Variants in WDFY2 observed in about 807,000 individuals in gnomAD.
The protein encoded by WDFY2 is WD repeat and FYVE domain containing 2.
WDFY2 carries 36 observed loss-of-function variants against 56.4 expected under a neutral mutation model. The ratio of observed to expected loss-of-function variants is 0.64; its 90% CI spans 0.49 to 0.84. WDFY2 has a LOEUF of 0.84. Among genes scored for constraint, WDFY2 ranks in the 40% least tolerant of loss-of-function variants. The pLI is 0.00. For synonymous variants in WDFY2, 176 were observed against 183.7 expected (o/e 0.96, Z 0.34); for missense variants, 444 against 512.2 (o/e 0.87, Z 1.29).
intron 1 of WDFY2, among the ~76,000 whole-genome samples, chr13:51,642,433 G>A (rs1392950022): frequency 2.0e-5 from 3 of 151,838 alleles, no homozygotes; most frequent in Non-Finnish European, 1.5e-5. Flanking sequence ...GACTACAGGT[G>A]TGCTCCACCA....
At chr13:51,691,253 A>G (rs1956149651) in intron 3 of WDFY2, among the ~76,000 whole-genome samples, 3 of 151,954 alleles carry the variant, frequency 2.0e-5, no homozygotes, top group Non-Finnish European at 2.9e-5. Flanking sequence ...TTGGTGTTTT[A>G]GACATGAAGT....
chr13:51,631,316 A>C (rs1954947858), intron 1 of WDFY2, among the ~76,000 whole-genome samples: 1 of 151,436 alleles, frequency 6.6e-6, no homozygotes, highest in Admixed American at 6.6e-5. Context: ...ACTTGAGATC[A>C]GGAATTTCAG....
intron 3 of WDFY2, among the ~76,000 whole-genome samples, chr13:51,685,891 T>A (rs941786329): frequency 1.3e-5 from 2 of 152,206 alleles, no homozygotes; most frequent in African/African-American, 4.8e-5. Context: ...CAAATTGGAA[T>A]GGCAATATTT....
intron 2 of WDFY2, among the ~76,000 whole-genome samples, chr13:51,662,074 G>A (rs1010882503): frequency 2.0e-5 from 3 of 151,968 alleles, no homozygotes; most frequent in Non-Finnish European, 4.4e-5. Context: ...GGGTTCAAGC[G>A]ATTCTCCTCC....
intron 1 of WDFY2, among the ~76,000 whole-genome samples, chr13:51,601,838 T>C (rs7318944): frequency 0.9 from 136,769 of 152,192 alleles, 62,605 homozygotes; most frequent in Non-Finnish European, 0.98. Context: ...TGCAGAGGCA[T>C]GAGTGTGGAG....
intron 6 of WDFY2, among the ~76,000 whole-genome samples, chr13:51,732,954 TG>T (rs1952755678): frequency 6.6e-6 from 1 of 152,224 alleles, no homozygotes; most frequent in East Asian, 1.9e-4. Context: ...AGCCCTGATG[TG>T]CACAGAGGCT....
At chr13:51,655,237 T>C (rs1593943140) in intron 1 of WDFY2, among the ~76,000 whole-genome samples, 1 of 152,212 alleles carries the variant, frequency 6.6e-6, no homozygotes, top group East Asian at 1.9e-4. Flanking sequence ...CTTCCAATAA[T>C]GTTGAATAGC....
chr13:51,742,705 A>G (rs1953002779), intron 7 of WDFY2, among the ~76,000 whole-genome samples: 1 of 152,110 alleles, frequency 6.6e-6, no homozygotes, highest in Non-Finnish European at 1.5e-5. Context: ...ATATAACCTG[A>G]CTTAAAGCAC....
rs182477952 is a variant in WDFY2 at position 51,759,812 on chromosome 13, C to T, written c.*43C>T. ...AGAAAGATAGTATTTACTAAAGAAA[C>T]GGTTGTTTTAACCCAAATCATTACC... On this transcript the variant is annotated 3_prime_UTR_variant, in exon 12 of 12. Transcript: ENST00000298125. 7.9e-4 allele frequency: 1,264 copies of T among 1,604,510 alleles called. 4 individuals carry two copies. The highest frequency in any genetic ancestry group is 2.3e-3 in the African/African-American group (173 of 74,694).
chr13:51,656,339 T>C (rs1352488299), intron 1 of WDFY2, among the ~76,000 whole-genome samples: 1 of 151,996 alleles, frequency 6.6e-6, no homozygotes, highest in Non-Finnish European at 1.5e-5. Context: ...CCTTATTCCT[T>C]TATACGTGGA....
intron 2 of WDFY2, among the ~76,000 whole-genome samples, chr13:51,662,079 T>C (rs774828286): frequency 6.6e-6 from 1 of 152,082 alleles, no homozygotes; most frequent in Non-Finnish European, 1.5e-5. Context: ...CAAGCGATTC[T>C]CCTCCCTCAG....
intron 1 of WDFY2, among the ~76,000 whole-genome samples, chr13:51,601,456 C>T (rs1032674058): frequency 3.3e-5 from 5 of 151,666 alleles, no homozygotes; most frequent in Non-Finnish European, 7.4e-5. Context: ...CTTTTGTCGC[C>T]CAGGCTGGAG....
chr13:51,690,654 A>G (rs537739066), intron 3 of WDFY2, among the ~76,000 whole-genome samples: 5 of 152,196 alleles, frequency 3.3e-5, no homozygotes, highest in Admixed American at 2.6e-4. Flanking sequence ...CGCAATAAAC[A>G]TACGTGTGCA....
intron 7 of WDFY2, among the ~76,000 whole-genome samples, chr13:51,748,237 G>A (rs1333233024): frequency 3.9e-5 from 6 of 152,194 alleles, no homozygotes; most frequent in Non-Finnish European, 7.3e-5. Flanking sequence ...ACCGTGTTCG[G>A]CTTAGATTGT....
chr13:51,649,585 C>T (rs970865340), intron 1 of WDFY2, among the ~76,000 whole-genome samples: 1 of 127,170 alleles, frequency 7.9e-6, no homozygotes, highest in Admixed American at 8.6e-5. Context: ...CACCCCCTAC[C>T]CCACAATAGG....
intron 5 of WDFY2, among the ~76,000 whole-genome samples, chr13:51,723,355 G>A (rs947904022): frequency 3.9e-5 from 6 of 152,064 alleles, no homozygotes; most frequent in African/African-American, 1.4e-4. Flanking sequence ...TTTTGAAAAT[G>A]GCTTTTGTGC....
chr13:51,708,266 A>C (rs1952130731), intron 4 of WDFY2, among the ~76,000 whole-genome samples: 1 of 151,384 alleles, frequency 6.6e-6, no homozygotes, highest in South Asian at 2.1e-4. Context: ...GCTGAGGTGG[A>C]GGATCCTTTC....
At chr13:51,711,142 A>C (rs562282448) in intron 4 of WDFY2, among the ~76,000 whole-genome samples, 1 of 152,314 alleles carries the variant, frequency 6.6e-6, no homozygotes, top group Admixed American at 6.5e-5. Context: ...CCACACATCC[A>C]CAACCATCTG....
chr13:51,591,022 T>G (rs762987151), intron 1 of WDFY2: 3 of 152,010 alleles, frequency 2.0e-5, no homozygotes, highest in Non-Finnish European at 2.9e-5. Flanking sequence ...GAACTGGGAG[T>G]CTGATCTCAG....
Sources: allele counts gnomAD v4.1 joint callset (sites outside exome capture counted in the v4.1 genomes callset), GRCh38; gene constraint gnomAD v4.1.1; transcripts MANE v1.5; gene names NCBI Gene and HGNC (gene_info 2026-07-23, HGNC 2026-07-21).